The following ATP1B3 variants were observed in gnomAD, a reference collection of about 807,000 sequenced individuals.
The protein encoded by ATP1B3 is sodium/potassium-transporting ATPase subunit beta-3.
Under a neutral mutation model 30.2 loss-of-function variants are expected in ATP1B3, and 10 were observed. That is an observed-to-expected ratio of 0.33 (90% CI 0.20 to 0.56). ATP1B3 has a LOEUF of 0.56. ATP1B3 is among the 20% of genes least tolerant of loss of function. ATP1B3 has a pLI of 0.90. For synonymous variants in ATP1B3, 113 were observed against 117.0 expected, an observed-to-expected ratio of 0.97 and a Z score of 0.22; for missense variants, 238 against 336.7, an observed-to-expected ratio of 0.71 and a Z score of 2.29.
chr3:141,917,557 G>A (rs1379364161), intron 5 of ATP1B3, among the ~76,000 whole-genome samples: 3 of 151,848 alleles, frequency 2.0e-5, no homozygotes, highest in Non-Finnish European at 2.9e-5. Context: ...AGCTGGGCAT[G>A]GTGGCACGCA....
intron 3 of ATP1B3, among the ~76,000 whole-genome samples, chr3:141,907,905 G>A (rs1934290436): frequency 6.6e-6 from 1 of 151,656 alleles, no homozygotes; most frequent in Admixed American, 6.6e-5. Context: ...AATTAATAGA[G>A]CAAATCTATA....
intron 6 of ATP1B3, among the ~76,000 whole-genome samples, chr3:141,923,004 G>A (rs1464141586): frequency 6.6e-6 from 1 of 151,270 alleles, no homozygotes; most frequent in Non-Finnish European, 1.5e-5. Flanking sequence ...GCGGCCGGGT[G>A]TGGTGGCTCA....
intron 2 of ATP1B3, among the ~76,000 whole-genome samples, chr3:141,904,054 G>A (rs1007778186): frequency 1.3e-5 from 2 of 152,214 alleles, no homozygotes; most frequent in African/African-American, 4.8e-5. Context: ...CAAAGTGCTG[G>A]GATTACAGGC....
At chr3:141,903,218 A>G (rs1213041063) in intron 1 of ATP1B3, among the ~76,000 whole-genome samples, 2 of 152,194 alleles carry the variant, frequency 1.3e-5, no homozygotes, top group Non-Finnish European at 2.9e-5. Context: ...TAATTCTTTT[A>G]TATTCGCCAC....
chr3:141,916,098 C>CTTTTTT, intron 5 of ATP1B3, 78 bp downstream of exon 5: 1 of 1,306,940 alleles, frequency 7.7e-7, no homozygotes, highest in Non-Finnish European at 1.1e-6. Context: ...ATTTAGTCAT[C>CTTTTTT]TTTTTTTTCT....
rs760867254 is a variant in ATP1B3, at chr3:141,876,794, C to G, written c.-8C>G. On this transcript the variant is annotated 5_prime_UTR_variant, in exon 1 of 7. Coordinates refer to ENST00000286371, the MANE Select transcript of ATP1B3 (RefSeq NM_001679.4). The stretch of plus-strand genomic sequence containing the variant: ...GCCGCAGCTCCTCTCGCCGTCCGCG[C>G]GCACACCATGACGAAGAACGAGAAG... 4.4e-6 allele frequency: 7 copies of G among 1,587,566 alleles called. No homozygotes were observed. The highest frequency in any genetic ancestry group is 4.7e-5 in the East Asian group (2 of 42,110).
rs1418165785 is a variant in ATP1B3 at position 141,876,707 on chromosome 3, T to TCCGGGCTGCGCCGCCGGAG, written c.-89_-71dup. The stretch of plus-strand genomic sequence containing the variant: ...GGCCGTCCCACCCTTCACTGCCGTC[T>TCCGGGCTGCGCCGCCGGAG]CCGGGCTGCGCCGCCGGAGCCGGGA... On this transcript the variant is annotated 5_prime_UTR_variant, in exon 1 of 7. Coordinates refer to ENST00000286371, the MANE Select transcript of ATP1B3 (RefSeq NM_001679.4). 45 of 912,326 alleles carry TCCGGGCTGCGCCGCCGGAG rather than the reference T, an allele frequency of 4.9e-5. No homozygotes were observed. The African/African-American group carries it at 7.0e-4, about 14-fold the overall frequency. 56.5% of individuals were successfully genotyped at this position (912,326 alleles called of 1,614,324 possible).
At position 141,912,266 on chromosome 3, in the gene ATP1B3, C is replaced by CTTATTTAT. The variant is rs144027846; in HGVS notation, c.347-1367_347-1360dup. On this transcript the variant is annotated intron_variant, in intron 3 of 6. Transcript: ENST00000286371. Reference sequence around the variant, plus strand: ...GAGGCATACTCTTTGAAATTTGGTTCTTATTTATTTATTTATTTATTTATT... The same window carrying CTTATTTAT: ...GAGGCATACTCTTTGAAATTTGGTTCTTATTTATTTATTTATTTATTTATTTATTTATT... 3.7e-4 allele frequency among the ~76,000 whole-genome samples: 56 copies of CTTATTTAT among 150,490 alleles called. 1 individual carries two copies. The highest frequency in any genetic ancestry group is 1.2e-3 in the African/African-American group (50 of 40,218).
rs377330825 is a variant in ATP1B3 at position 141,894,301 on chromosome 3, C to G, written c.110-9319C>G. Among the ~76,000 whole-genome samples, 8 of 151,582 alleles carry G rather than the reference C, an allele frequency of 5.3e-5. No individual in the cohort carries two copies. In the South Asian group the frequency reaches 1.7e-3, roughly 32 times the overall value. On this transcript the variant is annotated intron_variant, in intron 1 of 6. Coordinates refer to ENST00000286371, the MANE Select transcript of ATP1B3 (RefSeq NM_001679.4). ...AAAATTTTTTTTACTTCAGTAATAA[C>G]CTTAGCTTACTGTAACTTTTTACAA...
In ATP1B3 at chr3:141,902,064, C is replaced by G. The variant is rs1934173418; in HGVS notation, c.110-1556C>G. On this transcript the variant is annotated intron_variant, in intron 1 of 6. Transcript: ENST00000286371. The stretch of plus-strand genomic sequence containing the variant: ...CTTATTAAACTGGCCTGTGGGCTTT[C>G]TGTGTGTTTCATTTCCCTCTATAGC... 4.4e-6 allele frequency: 5 copies of G among 1,143,260 alleles called. No homozygotes were observed. The Admixed American group carries it at 6.9e-5, about 16-fold the overall frequency. 70.8% of individuals were successfully genotyped at this position (1,143,260 alleles called of 1,614,324 possible). A position where few individuals can be genotyped will look rare whatever the true frequency, so the allele number is the denominator to read the frequency against.
chr3:141,926,294 TAAA>T lies in ATP1B3; in HGVS notation c.*602_*604del, dbSNP rs3834796. The T allele has an allele frequency of 6.7e-6, 1 of 149,744 alleles. No individual in the cohort carries two copies. The allele number at this position is 149,744 out of a possible 1,614,324, so 9.3% of individuals were successfully genotyped here. Reference sequence around the variant, plus strand: ...CACAAACTTTTTTTTGTAAAACATGTAAAAAAAAAAACTGGGATTAATTTTTAG... The same window carrying T: ...CACAAACTTTTTTTTGTAAAACATGTAAAAAAAACTGGGATTAATTTTTAG... On this transcript the variant is annotated 3_prime_UTR_variant, in exon 7 of 7. Transcript: ENST00000286371.
chr3:141,900,022 C>G (rs565992490), intron 1 of ATP1B3, among the ~76,000 whole-genome samples: 1 of 152,140 alleles, frequency 6.6e-6, no homozygotes, highest in Admixed American at 6.5e-5. Flanking sequence ...CAGAGAAAGA[C>G]CCTGTCTCAA....
intron 1 of ATP1B3, among the ~76,000 whole-genome samples, chr3:141,896,198 A>C (rs1040745775): frequency 6.6e-6 from 1 of 151,568 alleles, no homozygotes; most frequent in Non-Finnish European, 1.5e-5. Context: ...GCTGGGGATG[A>C]TGGTTCACGC....
chr3:141,898,414 G>T (rs1450489419), intron 1 of ATP1B3, among the ~76,000 whole-genome samples: 1 of 152,074 alleles, frequency 6.6e-6, no homozygotes, highest in Non-Finnish European at 1.5e-5. Flanking sequence ...AAAAAAGGCA[G>T]ATAACCAAAT....
chr3:141,889,756 TACAC>T (rs34670135), intron 1 of ATP1B3, among the ~76,000 whole-genome samples: 8,830 of 83,966 alleles, frequency 0.11, 1,012 homozygotes, highest in East Asian at 0.28. Context: ...AAAAAATATA[TACAC>T]ACACACACAC....
chr3:141,911,942 G>C (rs1365218378), intron 3 of ATP1B3, among the ~76,000 whole-genome samples: 1 of 152,156 alleles, frequency 6.6e-6, no homozygotes, highest in Non-Finnish European at 1.5e-5. Flanking sequence ...TATGGAAGTG[G>C]AAGTCAGCAT....
At chr3:141,877,874 C>G (rs1933637242) in intron 1 of ATP1B3, among the ~76,000 whole-genome samples, 2 of 143,610 alleles carry the variant, frequency 1.4e-5, no homozygotes, top group African/African-American at 5.3e-5. Context: ...ACTAATTTTA[C>G]CTTTTTAAAT....
intron 1 of ATP1B3, among the ~76,000 whole-genome samples, chr3:141,878,385 AT>A (rs1219592218): frequency 5.3e-5 from 8 of 152,240 alleles, no homozygotes; most frequent in African/African-American, 1.9e-4. Context: ...AAAGATGAAC[AT>A]TTATAAAGCT....
intron 1 of ATP1B3, among the ~76,000 whole-genome samples, chr3:141,881,977 C>T (rs1237564508): frequency 6.6e-6 from 1 of 152,120 alleles, no homozygotes; most frequent in Non-Finnish European, 1.5e-5. Flanking sequence ...TGTTGTGTTA[C>T]AATACCATTG....
Sources: gnomAD v4.1 joint callset for allele counts (sites outside exome capture counted in the v4.1 genomes callset) on GRCh38, gnomAD v4.1.1 for gene constraint, MANE v1.5 for transcripts, NCBI Gene and HGNC (gene_info 2026-07-23, HGNC 2026-07-21) for gene names.